The following RAB5B variants were observed in gnomAD, a reference collection of about 807,000 sequenced individuals.
The protein encoded by RAB5B is RAB5B, member RAS oncogene family, also known as ras-related protein Rab-5B.
A neutral mutation model predicts 28.6 loss-of-function variants in RAB5B; 11 were observed. The ratio of observed to expected loss-of-function variants is 0.38; its 90% CI spans 0.24 to 0.64. The LOEUF is 0.64. RAB5B is among the 30% of genes least tolerant of loss of function. RAB5B has a pLI of 0.53. For missense variants in RAB5B, 169 were observed against 265.6 expected (o/e 0.64, Z 2.53); for synonymous variants, 93 against 97.9 (o/e 0.95, Z 0.29).
chr12:55,984,318 T>A (rs1889894611), intron 1 of RAB5B, among the ~76,000 whole-genome samples: 1 of 152,060 alleles, frequency 6.6e-6, no homozygotes, highest in Non-Finnish European at 1.5e-5. Context: ...ACCTCCCAAG[T>A]AGCTGGGACT....
intron 2 of RAB5B, among the ~76,000 whole-genome samples, chr12:55,987,850 A>C (rs1188906886): frequency 6.7e-6 from 1 of 149,526 alleles, no homozygotes; most frequent in Non-Finnish European, 1.5e-5. Context: ...AAAAAAAATC[A>C]AAATCTGGTA....
chr12:55,990,049 A>C lies in RAB5B; in HGVS notation c.266A>C (p.Tyr89Ser). Residue 89 changes from tyrosine to serine, a missense_variant, in exon 3 of 6, where the codon TAC becomes TCC. Tyr to Ser is a moderately radical substitution (Grantham distance 144). Coordinates refer to ENST00000360299, the MANE Select transcript of RAB5B (RefSeq NM_002868.4). Reference protein sequence around the residue: ...QERYHSLAPMYYRGAQAAIVV... With the variant: ...QERYHSLAPMSYRGAQAAIVV... ...CGATATCACAGCTTAGCCCCCATGT[A>C]CTACAGGGGTGCCCAAGCTGCAATC... 1.2e-6 allele frequency: 2 copies of C among 1,614,174 alleles called. No homozygotes were observed. Among genetic ancestry groups the C allele is most frequent in the Non-Finnish European group, 1.7e-6 (2 of 1,180,006 alleles).
At chr12:55,978,390 G>C (rs1487114243) in intron 1 of RAB5B, among the ~76,000 whole-genome samples, 2 of 151,964 alleles carry the variant, frequency 1.3e-5, no homozygotes, top group East Asian at 3.9e-4. Flanking sequence ...TAGTCCCCCA[G>C]CTTCTCGGGA....
At chr12:55,975,830 C>G (rs1889631258) in intron 1 of RAB5B, among the ~76,000 whole-genome samples, 1 of 138,164 alleles carries the variant, frequency 7.2e-6, no homozygotes, top group African/African-American at 2.8e-5. Context: ...AGTCTCACTG[C>G]AACCTCCACC....
Position 55,986,916 on chromosome 12 carries a change from C to T in RAB5B, c.-45C>T. The T allele has an allele frequency of 2.5e-6, 1 of 404,306 alleles. No individual in the cohort carries two copies. Among genetic ancestry groups the T allele is most frequent in the Non-Finnish European group, 4.9e-6 (1 of 202,674 alleles). The allele number at this position is 404,306 out of a possible 1,614,324, so 25.0% of individuals were successfully genotyped here. Reference sequence around the variant, plus strand: ...CCTCCCCTTCCCCCTCCCCCCTTTACAGTATCCCCCTCCCTCCACCCTTTC... The same window carrying T: ...CCTCCCCTTCCCCCTCCCCCCTTTATAGTATCCCCCTCCCTCCACCCTTTC... On this transcript the variant is annotated 5_prime_UTR_variant, in exon 2 of 6. Transcript: ENST00000360299.
chr12:55,979,807 G>T (rs530270232), intron 1 of RAB5B, among the ~76,000 whole-genome samples: 1 of 152,184 alleles, frequency 6.6e-6, no homozygotes, highest in Non-Finnish European at 1.5e-5. Flanking sequence ...TCCTGTCCTG[G>T]TGTTCTCTTT....
In RAB5B at chr12:55,995,766, A is replaced by G. The variant is rs1364562983; in HGVS notation, c.*3554A>G. 3.3e-5 allele frequency: 5 copies of G among 152,038 alleles called. No homozygotes were observed. Among genetic ancestry groups the G allele is most frequent in the Non-Finnish European group, 7.4e-5 (5 of 68,026 alleles). 9.4% of individuals were successfully genotyped at this position (152,038 alleles called of 1,614,324 possible). On this transcript the variant is annotated 3_prime_UTR_variant, in exon 6 of 6. Transcript: ENST00000360299. ...GCCTCGTTTCTTCATCTGTAAAGTA[A>G]AAGCTGAAGATTAAGGTCAATTATG...
In RAB5B at chr12:55,994,669, A is replaced by G. The variant is rs1270781837; in HGVS notation, c.*2457A>G. ...ACAGAATGCGACTGCTGATTTACCG[A>G]TGTATTTAATGTAAGTAAAAAAAGG... On this transcript the variant is annotated 3_prime_UTR_variant, in exon 6 of 6. Transcript: ENST00000360299. The G allele has an allele frequency of 6.6e-6, 1 of 152,510 alleles. No homozygotes were observed. Among genetic ancestry groups the G allele is most frequent in the South Asian group, 2.1e-4 (1 of 4,816 alleles). The allele number at this position is 152,510 out of a possible 1,614,324, so 9.4% of individuals were successfully genotyped here. A position where few individuals can be genotyped will look rare whatever the true frequency, so the allele number is the denominator to read the frequency against.
At chr12:55,990,902 T>G in intron 4 of RAB5B, 98 bp downstream of exon 4, 1 of 1,448,936 alleles carries the variant, frequency 6.9e-7, no homozygotes, top group South Asian at 1.3e-5. Context: ...ACAGAGGACA[T>G]TCATTGTCTC....
In RAB5B at chr12:55,996,003, A is replaced by ATATATATTTTTTTTTTTTTT; in HGVS notation, c.*3792_*3793insATATATTTTTTTTTTTTTTT. The ATATATATTTTTTTTTTTTTT allele has an allele frequency of 1.0e-5, 1 of 97,434 alleles. No homozygotes were observed. The highest frequency in any genetic ancestry group is 4.7e-5 in the African/African-American group (1 of 21,122). The allele number at this position is 97,434 out of a possible 1,614,324, so 6.0% of individuals were successfully genotyped here. A position where few individuals can be genotyped will look rare whatever the true frequency, so the allele number is the denominator to read the frequency against. On this transcript the variant is annotated 3_prime_UTR_variant, in exon 6 of 6. Coordinates refer to ENST00000360299, the MANE Select transcript of RAB5B (RefSeq NM_002868.4). Reference sequence around the variant, plus strand: ...TATATACATATATATATATATATATATTTTTTTTTTAACAACTGGTAGGAT... The same window carrying ATATATATTTTTTTTTTTTTT: ...TATATACATATATATATATATATATATATATATTTTTTTTTTTTTTTTTTTTTTTTAACAACTGGTAGGAT...
intron 1 of RAB5B, among the ~76,000 whole-genome samples, chr12:55,984,540 C>T (rs114819223): frequency 0.077 from 11,692 of 152,004 alleles, 1,494 homozygotes; most frequent in African/African-American, 0.27. Flanking sequence ...AGCACAGTGG[C>T]GCATCAGCTC....
At chr12:55,986,829 T>G in intron 1 of RAB5B, 40 bp from the exon 2 acceptor site, 1 of 712,716 alleles carries the variant, frequency 1.4e-6, no homozygotes, top group Non-Finnish European at 2.4e-6. Flanking sequence ...GCAGCTTCAA[T>G]GGACGTATGT....
At chr12:55,983,271 G>T (rs968412846) in intron 1 of RAB5B, among the ~76,000 whole-genome samples, 1 of 151,984 alleles carries the variant, frequency 6.6e-6, no homozygotes, top group Non-Finnish European at 1.5e-5. Context: ...GTAGAGACGG[G>T]GTTTCACTAT....
intron 1 of RAB5B, chr12:55,980,757 C>T: frequency 2.3e-5 from 37 of 1,579,902 alleles, no homozygotes; most frequent in Non-Finnish European, 3.2e-5. Context: ...AAAGATTTCT[C>T]ATCCGTGATG....
At position 55,989,966 on chromosome 12, in the gene RAB5B, C is replaced by T. The variant is rs140257679; in HGVS notation, c.183C>T (p.Ser61=). ...CCATAGCGGCCTTCCTCACCCAGTC[C>T]GTTTGTCTAGATGACACAACAGTGA... ...STIGAAFLTQ[S]VCLDDTTVKF... is the part of the protein sequence containing the mutation. Residue 61 remains serine (S), a synonymous_variant, in exon 3 of 6, where the codon TCC becomes TCT. Transcript: ENST00000360299. The T allele has an allele frequency of 4.4e-4, 703 of 1,613,336 alleles. 7 individuals carry two copies. In the South Asian group the frequency reaches 6.9e-3, roughly 16 times the overall value.
chr12:55,977,451 A>C (rs941191956), intron 1 of RAB5B, among the ~76,000 whole-genome samples: 2 of 151,998 alleles, frequency 1.3e-5, no homozygotes, highest in African/African-American at 4.8e-5. Flanking sequence ...CATACCTCAT[A>C]TCTTTTAAAA....
At chr12:55,985,771 C>T (rs1441562692) in intron 1 of RAB5B, 2 of 455,702 alleles carry the variant, frequency 4.4e-6, no homozygotes, top group Admixed American at 2.4e-5. Context: ...CTGTTAGGCC[C>T]CTTTGGTGTG....
In RAB5B at chr12:55,995,576, G is replaced by T. The variant is rs536659004; in HGVS notation, c.*3364G>T. On this transcript the variant is annotated 3_prime_UTR_variant, in exon 6 of 6. Transcript: ENST00000360299. Reference sequence around the variant, plus strand: ...GTCCACCACAGTCTAAAGGTCGAGGGAAGGGAAATGAAATAGGATTATGTG... The same window carrying T: ...GTCCACCACAGTCTAAAGGTCGAGGTAAGGGAAATGAAATAGGATTATGTG... 1 of 152,260 alleles carries T rather than the reference G, an allele frequency of 6.6e-6. No individual in the cohort carries two copies. Among genetic ancestry groups the T allele is most frequent in the South Asian group, 2.1e-4 (1 of 4,824 alleles). The allele number at this position is 152,260 out of a possible 1,614,324, so 9.4% of individuals were successfully genotyped here. A position where few individuals can be genotyped will look rare whatever the true frequency, so the allele number is the denominator to read the frequency against.
Position 55,993,343 on chromosome 12 carries a change from C to G in RAB5B, c.*1131C>G, listed in dbSNP as rs1890194044. The G allele has an allele frequency of 6.6e-6, 1 of 152,620 alleles. No homozygotes were observed. Among genetic ancestry groups the G allele is most frequent in the Non-Finnish European group, 1.5e-5 (1 of 68,036 alleles). 9.5% of individuals were successfully genotyped at this position (152,620 alleles called of 1,614,324 possible). On this transcript the variant is annotated 3_prime_UTR_variant, in exon 6 of 6. Coordinates refer to ENST00000360299, the MANE Select transcript of RAB5B (RefSeq NM_002868.4). ...AGTGGCAGCTACTCAAGTCCTATCT[C>G]CACTGTTAGCTTCCTCCAACTCTAA...
Sources: allele counts gnomAD v4.1 joint callset (sites outside exome capture counted in the v4.1 genomes callset), GRCh38; gene constraint gnomAD v4.1.1; transcripts MANE v1.5; gene names NCBI Gene and HGNC (gene_info 2026-07-23, HGNC 2026-07-21).